NNMT: variants seen among roughly 807,000 people sequenced by gnomAD.
NNMT encodes nicotinamide N-methyltransferase.
Under a neutral mutation model 11.7 loss-of-function variants are expected in NNMT, and 10 were observed. The ratio of observed to expected loss-of-function variants is 0.85; its 90% CI spans 0.53 to 1.45. The LOEUF is 1.45. Ranked by LOEUF, NNMT falls within the 40% of genes most tolerant of loss-of-function variation. The probability of loss-of-function intolerance (pLI) is 0.00; values close to 1 mark genes in which losing one functional copy is unlikely to be tolerated. For missense variants in NNMT, 381 were observed against 319.4 expected (o/e 1.19, Z -1.47); for synonymous variants, 143 against 133.8 (o/e 1.07, Z -0.48).
intron 2 of NNMT, among the ~76,000 whole-genome samples, chr11:114,264,338 T>G (rs1281957509): frequency 1.3e-5 from 2 of 152,118 alleles, no homozygotes; most frequent in Non-Finnish European, 2.9e-5. Flanking sequence ...CAATTTGAGT[T>G]TTATCTCTGT....
Position 114,312,156 on chromosome 11 carries a change from C to T in NNMT, c.474C>T (p.Asp158=). The change falls in exon 3 of 3, where the codon GAC becomes GAT. Residue 158 remains aspartate (D), a synonymous_variant. Transcript: ENST00000299964. ...GGGCCGTCCCCTTACCCCCGGCTGA[C>T]TGCGTGCTCAGCACACTGTGTCTGG... ...PLGAVPLPPA[D]CVLSTLCLDA... 5 of 1,614,190 alleles carry T rather than the reference C, an allele frequency of 3.1e-6. No homozygotes were observed. The highest frequency in any genetic ancestry group is 4.2e-6 in the Non-Finnish European group (5 of 1,180,008).
rs758515081 is a variant in NNMT at position 114,312,263 on chromosome 11, T to A, written c.581T>A (p.Val194Glu). 6.2e-7 allele frequency: 1 copy of A among 1,614,176 alleles called. No individual in the cohort carries two copies. Among genetic ancestry groups the A allele is most frequent in the Admixed American group, 1.7e-5 (1 of 60,020 alleles). Residue 194 changes from valine (V) to glutamate (E), a missense_variant, in exon 3 of 3, where the codon GTG (valine) becomes GAG (glutamate). Physicochemically the swap from Val to Glu is moderately radical, Grantham distance 121. Transcript: ENST00000299964. ...GSLLKPGGFL[V>E]IMDALKSSYY... is the part of the protein sequence containing the mutation. ...CTACTGAAGCCAGGGGGCTTCCTGGTGATCATGGATGCGCTCAAGAGCAGC... is the reference window on the plus strand; with the variant it reads ...CTACTGAAGCCAGGGGGCTTCCTGGAGATCATGGATGCGCTCAAGAGCAGC...
chr11:114,293,317 A>G (rs1279199403), upstream of NNMT, among the ~76,000 whole-genome samples: 1 of 152,112 alleles, frequency 6.6e-6, no homozygotes, highest in Non-Finnish European at 1.5e-5. Flanking sequence ...GCAATGGGCA[A>G]TCTTAATACC....
At chr11:114,275,091 T>C (rs1433038592) in intron 2 of NNMT, among the ~76,000 whole-genome samples, 4 of 152,356 alleles carry the variant, frequency 2.6e-5, no homozygotes, top group African/African-American at 9.6e-5. Flanking sequence ...AGTAAGAAGG[T>C]TGAAGTTGTT....
At chr11:114,280,842 C>T (rs954726641) in intron 2 of NNMT, among the ~76,000 whole-genome samples, 17 of 152,176 alleles carry the variant, frequency 1.1e-4, no homozygotes, top group Non-Finnish European at 1.6e-4. Context: ...GAGGGCTCTT[C>T]CCTCCTTTGC....
chr11:114,296,754 TA>T, intron 1 of NNMT, 44 bp downstream of exon 1: 1 of 1,598,994 alleles, frequency 6.3e-7, no homozygotes, highest in Non-Finnish European at 8.6e-7. Flanking sequence ...GTGAGTCATA[TA>T]GATGGAGTCT....
upstream of NNMT, chr11:114,296,024 G>A (rs1222549455): frequency 6.5e-6 from 1 of 152,934 alleles, no homozygotes; most frequent in Non-Finnish European, 1.5e-5. Flanking sequence ...CCTTAGCCCT[G>A]AATACATTTC....
At chr11:114,299,106 A>T (rs1945412996) in intron 2 of NNMT, among the ~76,000 whole-genome samples, 1 of 152,182 alleles carries the variant, frequency 6.6e-6, no homozygotes, top group Non-Finnish European at 1.5e-5. Context: ...TTCCAACTTT[A>T]TGCTTTTTAT....
At position 114,313,497 on chromosome 11, in the gene NNMT, TAATA is replaced by T. The variant is rs1190113022; in HGVS notation, c.*1027_*1030del. ...CGAAAAAAGTAAAATAATAAATAAA[TAATA>T]AATAAAATAAAATAAAGTGAATTGT... On this transcript the variant is annotated 3_prime_UTR_variant, in exon 3 of 3. Transcript: ENST00000299964. Among the ~76,000 whole-genome samples the T allele has an allele frequency of 4.6e-5, 7 of 151,914 alleles. No individual in the cohort carries two copies. Among genetic ancestry groups the T allele is most frequent in the Non-Finnish European group, 7.4e-5 (5 of 67,974 alleles).
rs1385190824 is a variant in NNMT, at chr11:114,296,493, A to T, written c.-64A>T. ...TCAGGAAGACAACTTCTGCAGGGTCACTCCCTGGCTTCTGGAGGAAAGAGA... is the reference window on the plus strand; with the variant it reads ...TCAGGAAGACAACTTCTGCAGGGTCTCTCCCTGGCTTCTGGAGGAAAGAGA... On this transcript the variant is annotated 5_prime_UTR_variant, in exon 1 of 3. Transcript: ENST00000299964. 8 of 1,562,326 alleles carry T rather than the reference A, an allele frequency of 5.1e-6. No homozygotes were observed. In the Admixed American group the frequency reaches 1.1e-4, roughly 21 times the overall value.
chr11:114,309,579 A>ATCTC (rs66809545), intron 2 of NNMT, among the ~76,000 whole-genome samples: 1 of 151,322 alleles, frequency 6.6e-6, no homozygotes, highest in African/African-American at 2.4e-5. Context: ...TGCTAAGCTC[A>ATCTC]TCTCTCTCTC....
At chr11:114,301,367 C>A (rs1006903845) in intron 2 of NNMT, among the ~76,000 whole-genome samples, 8 of 152,050 alleles carry the variant, frequency 5.3e-5, no homozygotes, top group African/African-American at 1.9e-4. Flanking sequence ...TGGAAGCAAC[C>A]AAGATGTCTT....
chr11:114,269,146 C>G (rs1945149078), intron 2 of NNMT, among the ~76,000 whole-genome samples: 1 of 152,112 alleles, frequency 6.6e-6, no homozygotes, highest in Non-Finnish European at 1.5e-5. Context: ...GAATCTAGGC[C>G]GTTTAGCTCC....
At chr11:114,290,169 C>A (rs1945325356) in intron 2 of NNMT, among the ~76,000 whole-genome samples, 1 of 152,156 alleles carries the variant, frequency 6.6e-6, no homozygotes, top group African/African-American at 2.4e-5. Context: ...CAAATCATAG[C>A]AGTGGGTGTT....
intron 2 of NNMT, among the ~76,000 whole-genome samples, chr11:114,282,380 T>G (rs1945268796): frequency 6.6e-6 from 1 of 152,104 alleles, no homozygotes. Flanking sequence ...GGACAGATAT[T>G]TTCTAGAATA....
At chr11:114,259,916 G>A (rs1200646952) in intron 1 of NNMT, among the ~76,000 whole-genome samples, 1 of 152,178 alleles carries the variant, frequency 6.6e-6, no homozygotes, top group Non-Finnish European at 1.5e-5. Context: ...GAGGCAGGGT[G>A]GAGAGATGCA....
At chr11:114,288,779 C>T (rs545852153) in intron 2 of NNMT, among the ~76,000 whole-genome samples, 1 of 152,244 alleles carries the variant, frequency 6.6e-6, no homozygotes, top group South Asian at 2.1e-4. Flanking sequence ...ATGCTTAAAC[C>T]AGTTCCTGAA....
rs1380539651 is a variant in NNMT, at chr11:114,289,146, CTAAATT to C, written c.-129-7278_-129-7273del. On this transcript the variant is annotated intron_variant, in intron 2 of 4. Transcript: ENST00000535401. ...GTGTTATATATTTATTTGGAAACCT[CTAAATT>C]TAATGTTTCAATGTATAGGCATAAA... is the stretch of plus-strand genomic sequence containing the variant. 2.6e-5 allele frequency among the ~76,000 whole-genome samples: 4 copies of C among 152,144 alleles called. No individual in the cohort carries two copies. In the East Asian group the frequency reaches 7.7e-4, roughly 29 times the overall value.
chr11:114,287,742 ATTT>A (rs1036919653), intron 2 of NNMT, among the ~76,000 whole-genome samples: 9 of 152,290 alleles, frequency 5.9e-5, no homozygotes, highest in African/African-American at 2.2e-4. Context: ...TGTCATATAA[ATTT>A]TAGAGCCAGC....
Sources: gnomAD v4.1 joint callset for allele counts (sites outside exome capture counted in the v4.1 genomes callset) on GRCh38, gnomAD v4.1.1 for gene constraint, MANE v1.5 for transcripts, NCBI Gene and HGNC (gene_info 2026-07-23, HGNC 2026-07-21) for gene names.